VAT1L: variants seen among roughly 807,000 people sequenced by gnomAD.
The protein encoded by VAT1L is vesicle amine transport 1 like, also known as putative NADPH-dependent quinone oxidoreductase VAT1L.
Under a neutral mutation model 44.1 loss-of-function variants are expected in VAT1L, and 34 were observed. That is an observed-to-expected ratio of 0.77 (90% CI 0.59 to 1.03). The LOEUF is 1.03. Among genes scored for constraint, VAT1L ranks in the 50% least tolerant of loss-of-function variants. The pLI is 0.00. For missense variants in VAT1L, 615 were observed against 538.8 expected, an observed-to-expected ratio of 1.14 and a Z score of -1.40; for synonymous variants, 253 against 202.2, an observed-to-expected ratio of 1.25 and a Z score of -2.13.
intron 1 of VAT1L, among the ~76,000 whole-genome samples, chr16:77,806,684 T>C (rs1173846597): frequency 6.6e-6 from 1 of 152,228 alleles, no homozygotes; most frequent in Admixed American, 6.5e-5. Flanking sequence ...TTTTTTTCTA[T>C]GGGAACAACT....
intron 7 of VAT1L, among the ~76,000 whole-genome samples, chr16:77,901,956 T>G (rs562571049): frequency 6.6e-6 from 1 of 152,344 alleles, no homozygotes; most frequent in South Asian, 2.1e-4. Flanking sequence ...TTAACAGGCA[T>G]TTTAGAGAAG....
At chr16:77,825,948 G>A (rs1455261971) in intron 3 of VAT1L, among the ~76,000 whole-genome samples, 2 of 147,962 alleles carry the variant, frequency 1.4e-5, no homozygotes, top group African/African-American at 2.5e-5. Context: ...GCGTGAACCC[G>A]GGAGGCAGAG....
intron 1 of VAT1L, among the ~76,000 whole-genome samples, chr16:77,799,772 A>G (rs1403033066): frequency 6.6e-6 from 1 of 152,180 alleles, no homozygotes; most frequent in Non-Finnish European, 1.5e-5. Flanking sequence ...CTTTCTTACC[A>G]CAGTTATTAA....
In VAT1L at chr16:77,879,123, C is replaced by A; in HGVS notation, c.827-46C>A. ...TTTTTTCATGCATAACAAGAGATGT[C>A]CATTTTCATTAGCAATTGCTTAATG... On this transcript the variant is annotated intron_variant, in intron 5 of 8. Coordinates refer to ENST00000302536, the MANE Select transcript of VAT1L (RefSeq NM_020927.3). The surrounding 1 kb of genome is among the most constrained non-coding windows in gnomAD (Gnocchi z 4.1). The A allele has an allele frequency of 1.3e-6, 2 of 1,593,208 alleles. No individual in the cohort carries two copies. The highest frequency in any genetic ancestry group is 1.1e-5 in the South Asian group (1 of 90,424).
At chr16:77,895,835 A>T (rs1448513025) in intron 7 of VAT1L, among the ~76,000 whole-genome samples, 5 of 152,232 alleles carry the variant, frequency 3.3e-5, no homozygotes, top group Non-Finnish European at 5.9e-5. Flanking sequence ...TGCAAGTGAG[A>T]AAGCCTGGGC....
chr16:77,874,330 A>G (rs1462775679), intron 4 of VAT1L, among the ~76,000 whole-genome samples: 3 of 152,002 alleles, frequency 2.0e-5, no homozygotes, highest in East Asian at 1.9e-4. Context: ...TTAGCAGAAA[A>G]CAGACCCGGG....
intron 1 of VAT1L, among the ~76,000 whole-genome samples, chr16:77,811,996 G>T (rs189454018): frequency 3.9e-5 from 6 of 151,966 alleles, no homozygotes; most frequent in Non-Finnish European, 8.8e-5. Context: ...AAACTCCACC[G>T]CTAATTGATG....
intron 4 of VAT1L, among the ~76,000 whole-genome samples, chr16:77,863,675 C>T (rs1309467406): frequency 2.0e-5 from 3 of 152,118 alleles, no homozygotes; most frequent in Non-Finnish European, 4.4e-5. Flanking sequence ...GCCTCAGAGG[C>T]TGGGAGAACT....
intron 2 of VAT1L, among the ~76,000 whole-genome samples, chr16:77,823,185 A>G (rs1385424086): frequency 1.3e-5 from 2 of 151,942 alleles, no homozygotes; most frequent in Non-Finnish European, 2.9e-5. Flanking sequence ...GCTCACCTCC[A>G]GGCTACTCTG....
intron 7 of VAT1L, among the ~76,000 whole-genome samples, chr16:77,893,239 G>T (rs1489384648): frequency 6.6e-6 from 1 of 152,170 alleles, no homozygotes; most frequent in African/African-American, 2.4e-5. Context: ...AATTTTGGGG[G>T]CATGAATATA....
Position 77,817,008 on chromosome 16 carries a change from T to A in VAT1L, c.321T>A (p.Ser107=). Residue 107 remains serine, a synonymous_variant, in exon 2 of 9, where the codon TCT becomes TCA. Coordinates refer to ENST00000302536, the MANE Select transcript of VAT1L (RefSeq NM_020927.3). ...CCCTGGTGCCAGGATTTGAGTGTTCTGGGATTGTTGAAGCTCTGGGGGACA... is the reference window on the plus strand; with the variant it reads ...CCCTGGTGCCAGGATTTGAGTGTTCAGGGATTGTTGAAGCTCTGGGGGACA... ...KTPLVPGFEC[S]GIVEALGDSV... is the part of the protein sequence containing the mutation. 6.2e-7 allele frequency: 1 copy of A among 1,614,084 alleles called. No individual in the cohort carries two copies. The highest frequency in any genetic ancestry group is 8.5e-7 in the Non-Finnish European group (1 of 1,179,950).
chr16:77,788,896 A>C lies in VAT1L; in HGVS notation c.214A>C (p.Lys72Gln). The change falls in exon 1 of 9, where the codon AAG becomes CAG. Residue 72 changes from lysine to glutamine, a missense_variant. Lys to Gln is a moderately conservative substitution (Grantham distance 53). Coordinates refer to ENST00000302536, the MANE Select transcript of VAT1L (RefSeq NM_020927.3). ...GCCCGAGCCTCAGGACGGCGAGCTC[A>C]AGATCCGCGTCAAAGCCTGGTCCAG... ...AMPEPQDGEL[K>Q]IRVKACGLNF... 1.3e-6 allele frequency: 2 copies of C among 1,536,554 alleles called. No individual in the cohort carries two copies. Among genetic ancestry groups the C allele is most frequent in the Non-Finnish European group, 1.7e-6 (2 of 1,143,452 alleles).
chr16:77,829,770 C>G (rs979998898), intron 3 of VAT1L, among the ~76,000 whole-genome samples: 1 of 152,066 alleles, frequency 6.6e-6, no homozygotes, highest in South Asian at 2.1e-4. Context: ...TCTCTTAATC[C>G]GGGTGTGCTC....
intron 3 of VAT1L, among the ~76,000 whole-genome samples, chr16:77,841,840 G>A (rs892694470): frequency 5.9e-5 from 9 of 152,124 alleles, no homozygotes; most frequent in Non-Finnish European, 1.0e-4. Context: ...ACTTAGTGGT[G>A]TCTAAGCCTT....
chr16:77,833,265 A>G (rs2016600175), intron 3 of VAT1L, among the ~76,000 whole-genome samples: 1 of 152,210 alleles, frequency 6.6e-6, no homozygotes, highest in Non-Finnish European at 1.5e-5. Flanking sequence ...AAATAGTCAC[A>G]TGGATAACTT....
In VAT1L at chr16:77,956,780, T is replaced by C. The variant is rs77159647; in HGVS notation, c.1078-15070T>C. On this transcript the variant is annotated intron_variant, in intron 7 of 8. Transcript: ENST00000302536. ...CTTTGGTTGGCAATGCTTTCGCAAA[T>C]AGAATCGCTCTTTTATTTCCACTCT... 2.5e-3 allele frequency among the ~76,000 whole-genome samples: 375 copies of C among 152,314 alleles called. 1 individual carries two copies. The highest frequency in any genetic ancestry group is 8.6e-3 in the African/African-American group (359 of 41,578).
chr16:77,856,009 C>T (rs538823301), intron 3 of VAT1L, among the ~76,000 whole-genome samples: 3 of 151,646 alleles, frequency 2.0e-5, no homozygotes, highest in African/African-American at 4.9e-5. Context: ...AGGAAGACTC[C>T]GTCAAAACAA....
intron 7 of VAT1L, among the ~76,000 whole-genome samples, chr16:77,902,616 CAGA>C (rs774064212): frequency 1.3e-5 from 2 of 150,824 alleles, no homozygotes; most frequent in Non-Finnish European, 2.9e-5. Flanking sequence ...TGGCCCCTAC[CAGA>C]AGAAGTGCTA....
At chr16:77,933,506 A>G (rs149120631) in intron 7 of VAT1L, among the ~76,000 whole-genome samples, 1 of 152,376 alleles carries the variant, frequency 6.6e-6, no homozygotes, top group African/African-American at 2.4e-5. Flanking sequence ...GGATAAAATA[A>G]CAAACAAGAA....
Sources: gnomAD v4.1 joint callset for allele counts (sites outside exome capture counted in the v4.1 genomes callset) on GRCh38, gnomAD v4.1.1 for gene constraint, Gnocchi (gnomAD v3.1) non-coding constraint, MANE v1.5 for transcripts, NCBI Gene and HGNC (gene_info 2026-07-23, HGNC 2026-07-21) for gene names.